Variants in STK32B observed in about 807,000 individuals in gnomAD.
STK32B encodes serine/threonine-protein kinase 32B.
STK32B carries 43 observed loss-of-function variants against 52.6 expected under a neutral mutation model. That is an observed-to-expected ratio of 0.82 (90% CI 0.64 to 1.05). The LOEUF is 1.05. Among genes scored for constraint, STK32B ranks in the 50% least tolerant of loss-of-function variants. The pLI is 0.00. For missense variants in STK32B, 621 were observed against 534.6 expected (o/e 1.16, Z -1.59); for synonymous variants, 238 against 204.3 (o/e 1.17, Z -1.41).
intron 2 of STK32B, among the ~76,000 whole-genome samples, chr4:5,142,086 G>C (rs7667227): frequency 0.015 from 2,299 of 152,320 alleles, 65 homozygotes; most frequent in African/African-American, 0.052. Context: ...AGAAGGGCAG[G>C]AGGATAGTTT....
chr4:5,388,895 A>G (rs1038289590), intron 4 of STK32B, among the ~76,000 whole-genome samples: 16 of 152,166 alleles, frequency 1.1e-4, no homozygotes, highest in Middle Eastern at 3.2e-3. Context: ...GCTGAATGCA[A>G]TTGCCTTAGT....
At chr4:5,171,311 A>G (rs1719352791) in intron 3 of STK32B, among the ~76,000 whole-genome samples, 1 of 151,954 alleles carries the variant, frequency 6.6e-6, no homozygotes, top group Non-Finnish European at 1.5e-5. Context: ...CTTTAGTTTA[A>G]TGAGATCCCA....
intron 7 of STK32B, among the ~76,000 whole-genome samples, chr4:5,455,793 T>G (rs3774823): frequency 0.15 from 22,813 of 152,078 alleles, 1,919 homozygotes; most frequent in East Asian, 0.28. Context: ...AAATTCCCCC[T>G]TTGAGCAGCC....
chr4:5,319,414 G>A (rs969435636), intron 3 of STK32B, among the ~76,000 whole-genome samples: 2 of 152,212 alleles, frequency 1.3e-5, no homozygotes, highest in African/African-American at 4.8e-5. Flanking sequence ...CAGAGCAGCT[G>A]TTCCAAAACT....
At position 5,301,489 on chromosome 4, in the gene STK32B, T is replaced by G. The variant is rs185743882; in HGVS notation, c.261-29731T>G. On this transcript the variant is annotated intron_variant, in intron 3 of 11. Transcript: ENST00000282908. ...CTTTTTCAGATTTTCTATTTCTTCT[T>G]GAATAGTGTTGATTGTTTACATATT... Among the ~76,000 whole-genome samples, 40 of 152,004 alleles carry G rather than the reference T, an allele frequency of 2.6e-4. 2 individuals carry two copies. In the East Asian group the frequency reaches 6.4e-3, roughly 24 times the overall value.
chr4:5,434,727 A>G (rs1356217258), intron 6 of STK32B, among the ~76,000 whole-genome samples: 5 of 152,236 alleles, frequency 3.3e-5, no homozygotes, highest in Non-Finnish European at 2.9e-5. Context: ...GAGATAACAC[A>G]TAGACACTGA....
chr4:5,371,012 G>GTATATATATATA (rs1238224758), intron 4 of STK32B, among the ~76,000 whole-genome samples: 1 of 131,326 alleles, frequency 7.6e-6, no homozygotes, highest in African/African-American at 3.1e-5. Context: ...ATATATATAT[G>GTATATATATATA]TATATATATG....
intron 8 of STK32B, among the ~76,000 whole-genome samples, chr4:5,459,290 C>T (rs1044054193): frequency 6.7e-6 from 1 of 149,812 alleles, no homozygotes; most frequent in Admixed American, 6.6e-5. Flanking sequence ...GTGCCCCCCC[C>T]CCCCACCTTT....
At chr4:5,475,380 A>G (rs1485649266) in intron 11 of STK32B, among the ~76,000 whole-genome samples, 5 of 143,926 alleles carry the variant, frequency 3.5e-5, no homozygotes, top group Non-Finnish European at 7.5e-5. Context: ...AGCCGAGATC[A>G]CACCACTGCA....
chr4:5,285,497 A>G (rs1292191095), intron 3 of STK32B, among the ~76,000 whole-genome samples: 1 of 152,224 alleles, frequency 6.6e-6, no homozygotes, highest in East Asian at 1.9e-4. Context: ...ATAGAAAAAG[A>G]TAAACCAAGA....
intron 6 of STK32B, among the ~76,000 whole-genome samples, chr4:5,424,989 C>T (rs1053514427): frequency 3.9e-5 from 6 of 152,242 alleles, no homozygotes; most frequent in East Asian, 1.9e-4. Flanking sequence ...AAGCCACTTG[C>T]GGTATGCCTG....
intron 2 of STK32B, among the ~76,000 whole-genome samples, chr4:5,145,732 C>T (rs1716860332): frequency 6.6e-6 from 1 of 152,136 alleles, no homozygotes; most frequent in African/African-American, 2.4e-5. Flanking sequence ...TTGTGGGATA[C>T]ATATCTGGAT....
At chr4:5,357,413 A>G (rs1215993976) in intron 4 of STK32B, among the ~76,000 whole-genome samples, 1 of 152,122 alleles carries the variant, frequency 6.6e-6, no homozygotes, top group Non-Finnish European at 1.5e-5. Context: ...TGACAACTAC[A>G]GTTGATTTGG....
In STK32B at chr4:5,353,544, TAAAA is replaced by T. The variant is rs138450850; in HGVS notation, c.434+22160_434+22163del. ...CCAGAGTATACAAGGAACTCAACAGTAAAAAAAAAAAATAAAAATAAAAAGTGGG... is the reference window on the plus strand; with the variant it reads ...CCAGAGTATACAAGGAACTCAACAGTAAAAAAAATAAAAATAAAAAGTGGG... On this transcript the variant is annotated intron_variant, in intron 4 of 11. Transcript: ENST00000282908. Among the ~76,000 whole-genome samples the T allele has an allele frequency of 5.6e-5, 8 of 142,212 alleles. No homozygotes were observed. In the South Asian group the frequency reaches 1.8e-3, roughly 31 times the overall value. 93.3% of individuals were successfully genotyped at this position (142,212 alleles called of 152,430 possible).
At chr4:5,325,114 A>G (rs533166640) in intron 3 of STK32B, among the ~76,000 whole-genome samples, 4 of 152,286 alleles carry the variant, frequency 2.6e-5, no homozygotes, top group African/African-American at 9.6e-5. Context: ...CCCATGTGGC[A>G]TTGCTTCTAT....
intron 1 of STK32B, among the ~76,000 whole-genome samples, chr4:5,126,013 TCCTC>T (rs1715342043): frequency 6.6e-6 from 1 of 152,094 alleles, no homozygotes; most frequent in Non-Finnish European, 1.5e-5. Context: ...TGAGAAGCCA[TCCTC>T]CCTCCACTGA....
intron 3 of STK32B, among the ~76,000 whole-genome samples, chr4:5,266,092 T>C (rs958269482): frequency 2.0e-5 from 3 of 152,204 alleles, no homozygotes. Context: ...ACATGTAGTC[T>C]CCCAATAATC....
At position 5,162,831 on chromosome 4, in the gene STK32B, C is replaced by G. The variant is rs544963852; in HGVS notation, c.109-5468C>G. Among the ~76,000 whole-genome samples, 13 of 152,298 alleles carry G rather than the reference C, an allele frequency of 8.5e-5. 1 individual carries two copies. Among genetic ancestry groups the G allele is most frequent in the African/African-American group, 2.6e-4 (11 of 41,572 alleles). On this transcript the variant is annotated intron_variant, in intron 2 of 11. Coordinates refer to ENST00000282908, the MANE Select transcript of STK32B (RefSeq NM_018401.3). ...ATTTTGAAGTTGAAGGTTCCCAGGACCTGGATAGAGTTTGCTGTTGGTGAC... is the reference window on the plus strand; with the variant it reads ...ATTTTGAAGTTGAAGGTTCCCAGGAGCTGGATAGAGTTTGCTGTTGGTGAC...
At chr4:5,498,324 G>A (rs1181420264) in intron 11 of STK32B, among the ~76,000 whole-genome samples, 1 of 152,190 alleles carries the variant, frequency 6.6e-6, no homozygotes, top group Admixed American at 6.5e-5. Flanking sequence ...CCACTGCTAG[G>A]AAATGCAATG....
Sources: allele counts gnomAD v4.1 joint callset (sites outside exome capture counted in the v4.1 genomes callset), GRCh38; gene constraint gnomAD v4.1.1; transcripts MANE v1.5; gene names NCBI Gene and HGNC (gene_info 2026-07-23, HGNC 2026-07-21).